CDK16: variants seen among roughly 807,000 people sequenced by gnomAD.
CDK16 encodes the protein cyclin-dependent kinase 16.
CDK16 carries 2 observed loss-of-function variants against 41.6 expected under a neutral mutation model. The ratio of observed to expected loss-of-function variants is 0.05; its 90% CI spans 0.02 to 0.15. The LOEUF is 0.15. Among genes scored for constraint, CDK16 ranks in the 10% least tolerant of loss-of-function variants. The pLI, the probability that CDK16 is intolerant of heterozygous loss-of-function variation, is 1.00. For missense variants in CDK16, 228 were observed against 428.9 expected, an observed-to-expected ratio of 0.53 and a Z score of 4.14; for synonymous variants, 169 against 169.7, an observed-to-expected ratio of 1.00 and a Z score of 0.03.
chrX:47,219,051 C>A lies in CDK16; in HGVS notation c.-61C>A. 1.2e-6 allele frequency: 1 copy of A among 822,039 alleles called. No homozygotes were observed. 67.7% of individuals were successfully genotyped at this position (822,039 alleles called of 1,213,427 possible). ...CGCGGCCTCATCCCGGGCCGCCGCC[C>A]CAGGCGCCGCCGCGCCGGCCCCGCG... On this transcript the variant is annotated 5_prime_UTR_variant, in exon 1 of 16. Transcript: ENST00000357227.
At chrX:47,220,379 A>G (rs782023656) in intron 1 of CDK16, among the ~76,000 whole-genome samples, 3 of 106,997 alleles carry the variant, frequency 2.8e-5, no homozygotes, top group Middle Eastern at 4.8e-3. Context: ...AACAAGGATT[A>G]TATCTGTGGA....
chrX:47,219,121 A>G lies in CDK16; in HGVS notation c.-7+16A>G. ...GCCCCCGCCGGTGAGCGCGTCCCCG[A>G]GGCGTGGAGGCTGCCCCTCCTCCTT... On this transcript the variant is annotated intron_variant, in intron 1 of 15. Transcript: ENST00000357227. The G allele has an allele frequency of 2.5e-6, 2 of 804,587 alleles. No individual in the cohort carries two copies. The highest frequency in any genetic ancestry group is 3.0e-6 in the Non-Finnish European group (2 of 670,596). 66.3% of individuals were successfully genotyped at this position (804,587 alleles called of 1,213,427 possible).
chrX:47,228,133 G>T (rs1462968027), intron 14 of CDK16: 1 of 120,996 alleles, frequency 8.3e-6, no homozygotes, highest in East Asian at 2.5e-4. Flanking sequence ...TGATTATTTT[G>T]AATCACATCC....
At chrX:47,223,449 A>G (rs1282242448) in intron 1 of CDK16, 103 bp from the exon 2 acceptor site, 3 of 968,945 alleles carry the variant, frequency 3.1e-6, no homozygotes, top group East Asian at 3.4e-5. Context: ...AGCACTGACA[A>G]GTTCATGTCA....
intron 1 of CDK16, chrX:47,223,112 G>A (rs764665589): frequency 1.1e-5 from 13 of 1,154,649 alleles, no homozygotes; most frequent in African/African-American, 7.2e-5. Context: ...CTCTATGGCC[G>A]TGCTCGAGAC....
At position 47,226,676 on chromosome X, in the gene CDK16, C is replaced by T. The variant is rs1274792193; in HGVS notation, c.1010C>T (p.Thr337Met). The part of the protein sequence containing the change: ...YRPPDILLGS[T>M]DYSTQIDMWG... ...CCCCCTGACATCCTGCTTGGGTCCA[C>T]GGACTACTCCACTCAGATTGACATG... The change falls in exon 10 of 16, where the codon ACG becomes ATG. Residue 337 changes from threonine to methionine, a missense_variant. This residue lies in a region of CDK16 where 66 missense variants were observed against 197.2 expected (regional missense o/e 0.33). Coordinates refer to ENST00000357227, the MANE Select transcript of CDK16 (RefSeq NM_006201.5). 8.3e-7 allele frequency: 1 copy of T among 1,209,470 alleles called. No homozygotes were observed. The highest frequency in any genetic ancestry group is 2.2e-5 in the Admixed American group (1 of 45,934).
In CDK16 at chrX:47,218,856, C is replaced by A; in HGVS notation, c.-256C>A. ...CCGGCGCCAACGAGTCCGGGGGCAT[C>A]GCCCGCAGCGGCCAAGCTCATGGCC... On this transcript the variant is annotated 5_prime_UTR_variant, in exon 1 of 16. Transcript: ENST00000357227. 8.9e-7 allele frequency: 1 copy of A among 1,120,144 alleles called. No individual in the cohort carries two copies. The highest frequency in any genetic ancestry group is 2.0e-5 in the South Asian group (1 of 50,179). 92.3% of individuals were successfully genotyped at this position (1,120,144 alleles called of 1,213,427 possible). A position where few individuals can be genotyped will look rare whatever the true frequency, so the allele number is the denominator to read the frequency against.
chrX:47,218,489 TG>T, upstream of CDK16: 1 of 723,884 alleles, frequency 1.4e-6, no homozygotes, highest in Non-Finnish European at 1.9e-6. Flanking sequence ...GCCAGGTTAC[TG>T]GCCACTGCTC....
chrX:47,219,504 AG>A (rs1937241712), intron 1 of CDK16, among the ~76,000 whole-genome samples: 1 of 107,471 alleles, frequency 9.3e-6, no homozygotes, highest in South Asian at 4.2e-4. Context: ...GGAGCGGGTG[AG>A]GGACCCGAGG....
chrX:47,229,674 G>A lies in CDK16; in HGVS notation c.*906G>A. On this transcript the variant is annotated 3_prime_UTR_variant, in exon 16 of 16. Transcript: ENST00000357227. The stretch of plus-strand genomic sequence containing the variant: ...TGCTCCCATCCCACTCGGTGCTGTT[G>A]GGTAGGGGCCCTGCCAGGAACTGAC... 1 of 179,371 alleles carries A rather than the reference G, an allele frequency of 5.6e-6. No individual in the cohort carries two copies. Among genetic ancestry groups the A allele is most frequent in the Non-Finnish European group, 1.1e-5 (1 of 93,571 alleles). 14.8% of individuals were successfully genotyped at this position (179,371 alleles called of 1,213,427 possible).
chrX:47,223,176 G>T, intron 1 of CDK16: 1 of 1,157,029 alleles, frequency 8.6e-7, no homozygotes, highest in Non-Finnish European at 1.1e-6. Context: ...CCATGGCTGG[G>T]CCCATCACTG....
chrX:47,219,183 T>A, intron 1 of CDK16, 78 bp downstream of exon 1: 1 of 767,085 alleles, frequency 1.3e-6, no homozygotes. Context: ...GGGTCTGGGC[T>A]GCGGGGCTGG....
intron 10 of CDK16, 35 bp from the exon 11 acceptor site, chrX:47,226,777 G>C: frequency 8.4e-7 from 1 of 1,192,986 alleles, no homozygotes; most frequent in Non-Finnish European, 1.1e-6. Context: ...CACCCAGCCA[G>C]CTGCCTTTCT....
chrX:47,219,781 G>C (rs1937256849), intron 1 of CDK16, among the ~76,000 whole-genome samples: 1 of 110,851 alleles, frequency 9.0e-6, no homozygotes. Flanking sequence ...CTCGAGTGTG[G>C]TGTGTGCGCC....
At position 47,223,632 on chromosome X, in the gene CDK16, T is replaced by C. The variant is rs748834033; in HGVS notation, c.75T>C (p.Asn25=). The change falls in exon 2 of 16, where the codon AAT becomes AAC. Residue 25 remains asparagine, a synonymous_variant. Coordinates refer to ENST00000357227, the MANE Select transcript of CDK16 (RefSeq NM_006201.5). Reference sequence around the variant, plus strand: ...GTGGCCGAGGCATAGACAAGACCAATGGTGCCCCTGAGCAGATAGGCCTGG... The same window carrying C: ...GTGGCCGAGGCATAGACAAGACCAACGGTGCCCCTGAGCAGATAGGCCTGG... ...LRGGRGIDKT[N]GAPEQIGLDE... 4.1e-6 allele frequency: 5 copies of C among 1,211,260 alleles called. No homozygotes were observed. The highest frequency in any genetic ancestry group is 3.0e-5 in the East Asian group (1 of 33,818).
At chrX:47,227,133 A>G in intron 12 of CDK16, 34 bp downstream of exon 12, 2 of 1,209,044 alleles carry the variant, frequency 1.7e-6, no homozygotes, top group Non-Finnish European at 1.1e-6. Context: ...GTTAGGGGCC[A>G]GAGTGTCCAA....
chrX:47,219,222 C>T (rs1329487948), intron 1 of CDK16, 117 bp downstream of exon 1: 1 of 684,807 alleles, frequency 1.5e-6, no homozygotes, highest in African/African-American at 2.4e-5. Context: ...GCGAATTTCC[C>T]AGAATGCACC....
intron 6 of CDK16, among the ~76,000 whole-genome samples, 175 bp from the exon 7 acceptor site, chrX:47,225,597 C>T (rs1473740200): frequency 9.0e-6 from 1 of 111,533 alleles, no homozygotes; most frequent in Non-Finnish European, 1.9e-5. Flanking sequence ...AACATGGAGA[C>T]ACAACTTTCT....
At chrX:47,226,756 G>T in intron 10 of CDK16, 53 bp downstream of exon 10, 2 of 1,185,434 alleles carry the variant, frequency 1.7e-6, no homozygotes, top group Non-Finnish European at 2.3e-6. Flanking sequence ...GGGTGGCTTG[G>T]TCACAACAGC....
Sources: gnomAD v4.1 joint callset for allele counts (sites outside exome capture counted in the v4.1 genomes callset) on GRCh38, gnomAD v4.1.1 for gene constraint, gnomAD v4.1.1 regional missense constraint, MANE v1.5 for transcripts, NCBI Gene and HGNC (gene_info 2026-07-23, HGNC 2026-07-21) for gene names.